The following GARIN1A variants were observed in gnomAD, a reference collection of about 807,000 sequenced individuals.
The protein encoded by GARIN1A is golgi associated RAB2 interactor 1A.
chr7:128,676,105 C>T, the GARIN1A span, among the ~76,000 whole-genome samples: 1 of 151,288 alleles, frequency 6.6e-6, no homozygotes, highest in East Asian at 1.9e-4. Context: ...CTGCAAGCCC[C>T]GCCTCCCGGG....
At chr7:128,693,062 T>C in the GARIN1A span, among the ~76,000 whole-genome samples, 1 of 152,284 alleles carries the variant, frequency 6.6e-6, no homozygotes, top group South Asian at 2.1e-4. Flanking sequence ...AAGGCGGTTC[T>C]GGATTTTGCT....
chr7:128,679,962 T>A, the GARIN1A span: 1 of 876,132 alleles, frequency 1.1e-6, no homozygotes, highest in Non-Finnish European at 1.7e-6. Flanking sequence ...CCCTTCAAAG[T>A]TCTACCCCGA....
chr7:128,681,944 A>G, the GARIN1A span, among the ~76,000 whole-genome samples: 10 of 135,808 alleles, frequency 7.4e-5, no homozygotes, highest in South Asian at 4.8e-4. Context: ...GGCACTAGCT[A>G]TCCCCTTTAA....
chr7:128,705,069 G>A, the GARIN1A span, among the ~76,000 whole-genome samples: 3 of 152,328 alleles, frequency 2.0e-5, no homozygotes, highest in Non-Finnish European at 2.9e-5. Context: ...TGAGTCAACA[G>A]TCTGTTCCTT....
the GARIN1A span, among the ~76,000 whole-genome samples, chr7:128,689,692 G>A: frequency 6.7e-6 from 1 of 149,392 alleles, no homozygotes; most frequent in Non-Finnish European, 1.5e-5. Context: ...GCCCCGTCTG[G>A]GAAGTGAGGA....
the GARIN1A span, among the ~76,000 whole-genome samples, chr7:128,703,605 C>T: frequency 7.2e-5 from 11 of 152,008 alleles, no homozygotes; most frequent in East Asian, 1.9e-4. Context: ...AGAGAGATCC[C>T]GTCTCTACAA....
chr7:128,682,464 G>T, the GARIN1A span, among the ~76,000 whole-genome samples: 1 of 152,206 alleles, frequency 6.6e-6, no homozygotes, highest in Admixed American at 6.5e-5. Context: ...TCCTCGGGTT[G>T]CCCTTAACAT....
At chr7:128,672,816 C>T in the GARIN1A span, among the ~76,000 whole-genome samples, 18 of 152,290 alleles carry the variant, frequency 1.2e-4, no homozygotes, top group Admixed American at 1.0e-3. Flanking sequence ...AGCTCAGTCT[C>T]CAGGCAGGGT....
chr7:128,696,341 C>T, the GARIN1A span, among the ~76,000 whole-genome samples: 1 of 152,030 alleles, frequency 6.6e-6, no homozygotes, highest in South Asian at 2.1e-4. Context: ...CTTCTATACA[C>T]CTTTTTGTCC....
chr7:128,673,475 G>A, the GARIN1A span, among the ~76,000 whole-genome samples: 63 of 152,314 alleles, frequency 4.1e-4, no homozygotes, highest in Admixed American at 3.7e-3. Flanking sequence ...GAAGAGCAGC[G>A]GGGAGGATAT....
chr7:128,690,169 A>G, the GARIN1A span, among the ~76,000 whole-genome samples: 11 of 152,222 alleles, frequency 7.2e-5, no homozygotes, highest in East Asian at 1.9e-4. Context: ...GATTAAGGGC[A>G]GTGCAAGATG....
the GARIN1A span, among the ~76,000 whole-genome samples, chr7:128,671,711 A>G: frequency 2.0e-5 from 3 of 152,140 alleles, 1 homozygote; most frequent in African/African-American, 7.2e-5. Context: ...CATTCCTGAA[A>G]ATGTAACAAC....
the GARIN1A span, chr7:128,672,349 C>T: frequency 5.9e-6 from 9 of 1,514,692 alleles, no homozygotes; most frequent in Non-Finnish European, 8.1e-6. Flanking sequence ...TGGGCTGGGT[C>T]GGCGTGGAGC....
the GARIN1A span, among the ~76,000 whole-genome samples, chr7:128,673,572 A>G: frequency 0.99 from 150,265 of 152,294 alleles, 74,151 homozygotes; most frequent in Middle Eastern, 1. Context: ...TTCAAATGGA[A>G]TGGGAAAGTA....
the GARIN1A span, chr7:128,677,478 G>A: frequency 5.7e-6 from 8 of 1,399,570 alleles, no homozygotes; most frequent in African/African-American, 7.5e-5. Flanking sequence ...CTGCACTCTA[G>A]CCTCGGCGGC....
At chr7:128,689,298 C>T in the GARIN1A span, among the ~76,000 whole-genome samples, 6 of 151,396 alleles carry the variant, frequency 4.0e-5, 1 homozygote, top group Admixed American at 3.9e-4. Context: ...TGCCCGGCTG[C>T]CCAGTCTGGG....
At chr7:128,703,856 A>G in the GARIN1A span, among the ~76,000 whole-genome samples, 2 of 152,138 alleles carry the variant, frequency 1.3e-5, no homozygotes, top group African/African-American at 2.4e-5. Context: ...AGTGGGGCCA[A>G]TTAGGGCTTG....
chr7:128,705,916 A>G, the GARIN1A span, among the ~76,000 whole-genome samples: 1 of 151,894 alleles, frequency 6.6e-6, no homozygotes, highest in African/African-American at 2.4e-5. Flanking sequence ...CGGTCTCCCA[A>G]AGTGTTGGGA....
chr7:128,678,094 C>T, the GARIN1A span: 1 of 210,348 alleles, frequency 4.8e-6, no homozygotes, highest in Non-Finnish European at 9.5e-6. Context: ...GATCTCGGCT[C>T]ACTGCAGCTT....
Sources: gnomAD v4.1 joint callset for allele counts (sites outside exome capture counted in the v4.1 genomes callset) on GRCh38, gnomAD v4.1.1 for gene constraint, MANE v1.5 for transcripts, NCBI Gene and HGNC (gene_info 2026-07-23, HGNC 2026-07-21) for gene names.